LRRC7: variants seen among roughly 807,000 people sequenced by gnomAD.
The protein encoded by LRRC7 is leucine rich repeat containing 7, also known as leucine-rich repeat-containing protein 7.
In LRRC7, 23 loss-of-function variants were observed where a neutral mutation model predicts 175.7. The ratio of observed to expected loss-of-function variants is 0.13; its 90% CI spans 0.09 to 0.19. The LOEUF (loss-of-function observed/expected upper bound fraction) is 0.19. Ranked by LOEUF, LRRC7 falls within the 10% of genes least tolerant of loss-of-function variation. The pLI, the probability that LRRC7 is intolerant of heterozygous loss-of-function variation, is 1.00. For missense variants in LRRC7, 1,354 were observed against 1,904.7 expected (o/e 0.71, Z 5.38); for synonymous variants, 685 against 680.9 (o/e 1.01, Z -0.09).
intron 8 of LRRC7, among the ~76,000 whole-genome samples, chr1:69,962,203 A>C (rs955499994): frequency 6.6e-6 from 1 of 152,196 alleles, no homozygotes; most frequent in Non-Finnish European, 1.5e-5. Context: ...GAAGACATAC[A>C]TGCACCCAAC....
At chr1:69,663,546 G>A (rs1012703529) in intron 1 of LRRC7, among the ~76,000 whole-genome samples, 1 of 151,746 alleles carries the variant, frequency 6.6e-6, no homozygotes, top group Non-Finnish European at 1.5e-5. Context: ...TCACTCTATT[G>A]TACTAGCAAA....
rs560062717 is a variant in LRRC7, at chr1:70,140,804, A to C, written c.*18917A>C. ...AAGGCCCTCCTATCCAATCACAGCC[A>C]CAAAGACTGAATATTTTGGTTCAGA... On this transcript the variant is annotated 3_prime_UTR_variant, in exon 27 of 27. Transcript: ENST00000651989. Among the ~76,000 whole-genome samples, 20 of 152,242 alleles carry C rather than the reference A, an allele frequency of 1.3e-4. No homozygotes were observed. The highest frequency in any genetic ancestry group is 5.2e-4 in the Admixed American group (8 of 15,260).
chr1:69,999,082 A>G (rs1414936875), intron 11 of LRRC7, among the ~76,000 whole-genome samples: 1 of 152,210 alleles, frequency 6.6e-6, no homozygotes, highest in Non-Finnish European at 1.5e-5. Context: ...ACACAGCCTA[A>G]ACTACAGTCA....
At chr1:69,811,919 TA>T (rs968968876) in intron 4 of LRRC7, among the ~76,000 whole-genome samples, 1 of 152,012 alleles carries the variant, frequency 6.6e-6, no homozygotes, top group African/African-American at 2.4e-5. Flanking sequence ...TAAACTATAA[TA>T]AAAAATTTTT....
rs1456050371 is a variant in LRRC7 at position 70,141,274 on chromosome 1, G to A, written c.*19387G>A. ...AATAAGGAAATGGAGCATGGAGAAAGAAAGGGTTTTTAAGAGTTAAGTCAG... is the reference window on the plus strand; with the variant it reads ...AATAAGGAAATGGAGCATGGAGAAAAAAAGGGTTTTTAAGAGTTAAGTCAG... On this transcript the variant is annotated 3_prime_UTR_variant, in exon 27 of 27. Coordinates refer to ENST00000651989, the MANE Select transcript of LRRC7 (RefSeq NM_001370785.2). The A allele has an allele frequency of 6.6e-6, 1 of 152,118 alleles. No homozygotes were observed. Among genetic ancestry groups the A allele is most frequent in the Non-Finnish European group, 1.5e-5 (1 of 68,006 alleles). 9.4% of individuals were successfully genotyped at this position (152,118 alleles called of 1,614,324 possible). A position where few individuals can be genotyped will look rare whatever the true frequency, so the allele number is the denominator to read the frequency against.
intron 1 of LRRC7, among the ~76,000 whole-genome samples, chr1:69,620,403 A>G (rs1925352): frequency 0.13 from 19,520 of 152,178 alleles, 1,596 homozygotes; most frequent in South Asian, 0.19. Flanking sequence ...CTAAGACCAA[A>G]AAGTTTAAGA....
rs1449639827 is a variant in LRRC7, at chr1:70,130,799, AG to A, written c.*8913del. Among the ~76,000 whole-genome samples, 1 of 152,224 alleles carries A rather than the reference AG, an allele frequency of 6.6e-6. No individual in the cohort carries two copies. The highest frequency in any genetic ancestry group is 1.9e-4 in the East Asian group (1 of 5,200). On this transcript the variant is annotated 3_prime_UTR_variant, in exon 27 of 27. Coordinates refer to ENST00000651989, the MANE Select transcript of LRRC7 (RefSeq NM_001370785.2). ...ATTTGGATGTGGAGGGAAGAATAAAAGATGTCATGAGAGAGACGAGGCTACG... is the reference window on the plus strand; with the variant it reads ...ATTTGGATGTGGAGGGAAGAATAAAAATGTCATGAGAGAGACGAGGCTACG...
chr1:69,616,840 G>T (rs1382480764), intron 1 of LRRC7, among the ~76,000 whole-genome samples: 2 of 151,974 alleles, frequency 1.3e-5, no homozygotes. Context: ...GGTAACTTAG[G>T]AATTGTCCTA....
intron 8 of LRRC7, among the ~76,000 whole-genome samples, 196 bp downstream of exon 8, chr1:69,931,766 T>G (rs1647408881): frequency 6.6e-6 from 1 of 152,208 alleles, no homozygotes; most frequent in Non-Finnish European, 1.5e-5. Flanking sequence ...AATTGATAGT[T>G]TTGAGGACCA....
intron 7 of LRRC7, among the ~76,000 whole-genome samples, chr1:69,910,091 G>A (rs377524231): frequency 1.3e-5 from 2 of 151,982 alleles, no homozygotes; most frequent in South Asian, 2.1e-4. Flanking sequence ...CATTCTTCAC[G>A]TAGTTCTCGA....
intron 3 of LRRC7, among the ~76,000 whole-genome samples, chr1:69,780,095 G>T (rs1390886800): frequency 1.3e-5 from 2 of 152,156 alleles, no homozygotes; most frequent in African/African-American, 4.8e-5. Flanking sequence ...TCTCCCACCT[G>T]CCTGTCTGTT....
At chr1:69,921,711 T>C (rs148552305) in intron 7 of LRRC7, among the ~76,000 whole-genome samples, 1 of 152,344 alleles carries the variant, frequency 6.6e-6, no homozygotes, top group African/African-American at 2.4e-5. Context: ...ATTGCCCACA[T>C]CATTCCAAGT....
chr1:69,721,611 G>A (rs116790604), intron 2 of LRRC7, among the ~76,000 whole-genome samples: 2,563 of 151,596 alleles, frequency 0.017, 68 homozygotes, highest in African/African-American at 0.057. Flanking sequence ...CATTCATAAA[G>A]TACTCTTTTT....
intron 21 of LRRC7, among the ~76,000 whole-genome samples, chr1:70,041,946 T>C (rs749519987): frequency 6.6e-6 from 1 of 152,230 alleles, no homozygotes; most frequent in Non-Finnish European, 1.5e-5. Flanking sequence ...AGCAAACTCA[T>C]GTATTTTTCA....
intron 11 of LRRC7, among the ~76,000 whole-genome samples, chr1:70,008,472 C>T (rs1242235993): frequency 3.9e-5 from 6 of 152,132 alleles, no homozygotes; most frequent in Non-Finnish European, 7.4e-5. Flanking sequence ...TGCCATGATG[C>T]TTGAATGTTT....
chr1:69,625,598 A>G (rs1015793231), intron 1 of LRRC7, among the ~76,000 whole-genome samples: 5 of 151,860 alleles, frequency 3.3e-5, no homozygotes, highest in African/African-American at 1.2e-4. Context: ...TAATTAATAT[A>G]TTCATTTATA....
intron 2 of LRRC7, among the ~76,000 whole-genome samples, chr1:69,724,089 A>G (rs1666660926): frequency 6.6e-6 from 1 of 152,198 alleles, no homozygotes; most frequent in South Asian, 2.1e-4. Flanking sequence ...ATCTAGCACT[A>G]TCTTCTATGA....
At chr1:69,597,433 A>T (rs1453267645) in intron 1 of LRRC7, among the ~76,000 whole-genome samples, 2 of 152,208 alleles carry the variant, frequency 1.3e-5, no homozygotes, top group Non-Finnish European at 2.9e-5. Context: ...AAAACAAAAT[A>T]AAAAACCAAT....
At chr1:70,093,522 A>G (rs2102176910) in intron 25 of LRRC7, among the ~76,000 whole-genome samples, 1 of 152,268 alleles carries the variant, frequency 6.6e-6, no homozygotes, top group African/African-American at 2.4e-5. Context: ...CTCTATCTGC[A>G]AATGTCACTT....
Sources: gnomAD v4.1 joint callset for allele counts (sites outside exome capture counted in the v4.1 genomes callset) on GRCh38, gnomAD v4.1.1 for gene constraint, MANE v1.5 for transcripts, NCBI Gene and HGNC (gene_info 2026-07-23, HGNC 2026-07-21) for gene names.